LTBP3: variants seen among roughly 807,000 people sequenced by gnomAD.
The protein encoded by LTBP3 is latent transforming growth factor beta binding protein 3.
Under a neutral mutation model 159.7 loss-of-function variants are expected in LTBP3, and 97 were observed. The ratio of observed to expected loss-of-function variants is 0.61; its 90% CI spans 0.52 to 0.72. LTBP3 has a LOEUF of 0.72. Ranked by LOEUF, LTBP3 falls within the 30% of genes least tolerant of loss-of-function variation. The pLI, the probability that LTBP3 is intolerant of heterozygous loss-of-function variation, is 0.00. For missense variants in LTBP3, 1,584 were observed against 1,864.3 expected (o/e 0.85, Z 2.77); for synonymous variants, 824 against 777.1 (o/e 1.06, Z -1.00).
Position 65,553,920 on chromosome 11 carries a change from T to G in LTBP3, c.662-17A>C, listed in dbSNP as rs1388713921. 7.3e-6 allele frequency: 11 copies of G among 1,516,690 alleles called. No homozygotes were observed. Among genetic ancestry groups the G allele is most frequent in the Non-Finnish European group, 9.7e-6 (11 of 1,131,686 alleles). 94.0% of individuals were successfully genotyped at this position (1,516,690 alleles called of 1,614,324 possible). A position where few individuals can be genotyped will look rare whatever the true frequency, so the allele number is the denominator to read the frequency against. ...GGGCCTGCACTGGGGGCGGGCGCGG[T>G]GGCCTCAGGGCTGCCCGCACCGCGC... On this transcript the variant is annotated splice_polypyrimidine_tract_variant and intron_variant, in intron 2 of 27. Transcript: ENST00000301873. The surrounding 1 kb of genome is among the most constrained non-coding windows in gnomAD (Gnocchi z 6.5).
chr11:65,550,545 G>C (rs927043317), intron 11 of LTBP3, among the ~76,000 whole-genome samples: 3 of 152,092 alleles, frequency 2.0e-5, no homozygotes, highest in Non-Finnish European at 4.4e-5. Context: ...ATGGTTATGG[G>C]CTGGGAACAG....
In LTBP3 at chr11:65,541,449, T is replaced by G. The variant is rs1856133784; in HGVS notation, c.2725+151A>C. 9 of 1,432,202 alleles carry G rather than the reference T, an allele frequency of 6.3e-6. No individual in the cohort carries two copies. In the South Asian group the frequency reaches 7.1e-5, roughly 11 times the overall value. 88.7% of individuals were successfully genotyped at this position (1,432,202 alleles called of 1,614,324 possible). On this transcript the variant is annotated intron_variant, in intron 19 of 27. Transcript: ENST00000301873. ...TTCTCAACGTGGTGTTCTGGACCCTTCATCGTCTGGCCCCACCAGACTCCC... is the reference window on the plus strand; with the variant it reads ...TTCTCAACGTGGTGTTCTGGACCCTGCATCGTCTGGCCCCACCAGACTCCC...
At chr11:65,540,830 G>A (rs778246557) in intron 21 of LTBP3, 41 bp downstream of exon 21, 1 of 1,584,542 alleles carries the variant, frequency 6.3e-7, no homozygotes, top group Non-Finnish European at 8.6e-7. Context: ...CCCAACCCGG[G>A]GTGAGAGGGC....
At position 65,557,907 on chromosome 11, in the gene LTBP3, G is replaced by A. The variant is rs1273691982; in HGVS notation, c.53C>T (p.Ala18Val). ...CAGCGCCAGCAGCCCCGCCGCCCCC[G>A]CCCCGCGCATCTCAGGGGCCAGGCC... Reference protein sequence around the residue: ...AGGLAPEMRGAGAAGLLALLL... With the variant: ...AGGLAPEMRGVGAAGLLALLL... The change falls in exon 1 of 28, where the codon GCG becomes GTG. Residue 18 changes from alanine (A) to valine (V), a missense_variant. Physicochemically the swap from Ala to Val is moderately conservative, Grantham distance 64. This residue lies in a region of LTBP3 where 79 missense variants were observed against 64.7 expected (regional missense o/e 1.22). Transcript: ENST00000301873. 1.6e-6 allele frequency: 2 copies of A among 1,267,286 alleles called. No individual in the cohort carries two copies. The highest frequency in any genetic ancestry group is 2.0e-6 in the Non-Finnish European group (2 of 996,926). 78.5% of individuals were successfully genotyped at this position (1,267,286 alleles called of 1,614,324 possible). A position where few individuals can be genotyped will look rare whatever the true frequency, so the allele number is the denominator to read the frequency against.
chr11:65,538,759 C>A lies in LTBP3; in HGVS notation c.*321G>T, dbSNP rs1280736661. 3 of 894,056 alleles carry A rather than the reference C, an allele frequency of 3.4e-6. No individual in the cohort carries two copies. The highest frequency in any genetic ancestry group is 4.9e-6 in the Non-Finnish European group (3 of 609,772). 55.4% of individuals were successfully genotyped at this position (894,056 alleles called of 1,614,324 possible). On this transcript the variant is annotated 3_prime_UTR_variant, in exon 28 of 28. Transcript: ENST00000301873. ...GGGAGGCGGCTGGGGTCTGGCGCCG[C>A]CCTGCGCAGCCCGCGCCCACGTCAG...
chr11:65,551,649 T>G (rs1301905310), intron 8 of LTBP3, 85 bp from the exon 9 acceptor site: 28 of 1,551,232 alleles, frequency 1.8e-5, no homozygotes, highest in Non-Finnish European at 2.5e-5. Context: ...TATTTGCAGT[T>G]AGGGTCTCTG....
At chr11:65,555,093 C>T (rs1230986690) in intron 1 of LTBP3, among the ~76,000 whole-genome samples, 1 of 152,176 alleles carries the variant, frequency 6.6e-6, no homozygotes, top group Non-Finnish European at 1.5e-5. Context: ...TCCTGCTCTC[C>T]CCTGCCCAGT....
At position 65,546,326 on chromosome 11, in the gene LTBP3, T is replaced by A. The variant is rs957433090; in HGVS notation, c.2353+116A>T. The stretch of plus-strand genomic sequence containing the variant: ...TCGTTGAGAAAATGAGTGAGCAGAG[T>A]CACCTGGGGATGAATGAGCCACCTT... On this transcript the variant is annotated intron_variant, in intron 16 of 27. Transcript: ENST00000301873. This position sits in a 1 kb window ranked among gnomAD's most constrained non-coding sequence, Gnocchi z 4.0. The A allele has an allele frequency of 5.5e-5, 69 of 1,263,138 alleles. No homozygotes were observed. The highest frequency in any genetic ancestry group is 6.5e-5 in the Non-Finnish European group (62 of 951,736). The allele number at this position is 1,263,138 out of a possible 1,614,324, so 78.2% of individuals were successfully genotyped here.
rs746883646 is a variant in LTBP3, at chr11:65,557,578, G to C, written c.331+51C>G. On this transcript the variant is annotated intron_variant, in intron 1 of 27. Coordinates refer to ENST00000301873, the MANE Select transcript of LTBP3 (RefSeq NM_001130144.3). ...CCAAGACCCCACTAGCTCTCCCACC[G>C]GGCCTGGTGCCTGTCCTTCCCCTGC... is the stretch of plus-strand genomic sequence containing the variant. 1.6e-5 allele frequency: 26 copies of C among 1,600,618 alleles called. No individual in the cohort carries two copies. The Admixed American group carries it at 1.7e-4, about 10-fold the overall frequency.
Position 65,547,679 on chromosome 11 carries a change from G to A in LTBP3, c.1978+11C>T. ...CCCACCCAGGGCCGCCTCCGCCCTG[G>A]CGGCGCTCACCCACGCACGAGCGCC... On this transcript the variant is annotated intron_variant, in intron 13 of 27. Coordinates refer to ENST00000301873, the MANE Select transcript of LTBP3 (RefSeq NM_001130144.3). This position sits in a 1 kb window ranked among gnomAD's most constrained non-coding sequence, Gnocchi z 4.6. 1.9e-6 allele frequency: 3 copies of A among 1,605,556 alleles called. No homozygotes were observed. Among genetic ancestry groups the A allele is most frequent in the Non-Finnish European group, 2.5e-6 (3 of 1,177,684 alleles).
At position 65,548,085 on chromosome 11, in the gene LTBP3, C is replaced by T. The variant is rs773636534; in HGVS notation, c.1721-40G>A. 3.7e-6 allele frequency: 6 copies of T among 1,612,906 alleles called. No individual in the cohort carries two copies. In the African/African-American group the frequency reaches 8.0e-5, roughly 22 times the overall value. On this transcript the variant is annotated intron_variant, in intron 11 of 27. Transcript: ENST00000301873. Reference sequence around the variant, plus strand: ...AGGTCAAGCGGCAGAGCAGGGAGCGCTCACCTTCTGCCATATCCCCAGGGC... The same window carrying T: ...AGGTCAAGCGGCAGAGCAGGGAGCGTTCACCTTCTGCCATATCCCCAGGGC...
rs750072765 is a variant in LTBP3, at chr11:65,541,187, G to A, written c.2832C>T (p.Cys944=). 1 of 1,613,708 alleles carries A rather than the reference G, an allele frequency of 6.2e-7. No homozygotes were observed. Residue 944 remains cysteine, a synonymous_variant, in exon 20 of 28, where the codon TGC becomes TGT. Coordinates refer to ENST00000301873, the MANE Select transcript of LTBP3 (RefSeq NM_001130144.3). ...GGTCGCCCCAGCCGGCCCCCAGAGA[G>A]CAGCAGCACTCCTGCTGGGTCACGT... ...ATNVTQQECC[C]SLGAGWGDHC...
chr11:65,546,304 T>G lies in LTBP3; in HGVS notation c.2353+138A>C. 2 of 1,142,682 alleles carry G rather than the reference T, an allele frequency of 1.8e-6. No individual in the cohort carries two copies. Among genetic ancestry groups the G allele is most frequent in the Non-Finnish European group, 2.4e-6 (2 of 845,814 alleles). The allele number at this position is 1,142,682 out of a possible 1,614,324, so 70.8% of individuals were successfully genotyped here. A position where few individuals can be genotyped will look rare whatever the true frequency, so the allele number is the denominator to read the frequency against. On this transcript the variant is annotated intron_variant, in intron 16 of 27. Coordinates refer to ENST00000301873, the MANE Select transcript of LTBP3 (RefSeq NM_001130144.3). This position sits in a 1 kb window ranked among gnomAD's most constrained non-coding sequence, Gnocchi z 4.0. ...GTGGTGCCTTCCTTGGCAAAGTTCG[T>G]TGAGAAAATGAGTGAGCAGAGTCAC... is the stretch of plus-strand genomic sequence containing the variant.
chr11:65,552,879 G>C lies in LTBP3; in HGVS notation c.1167C>G (p.Pro389=). 6.2e-7 allele frequency: 1 copy of C among 1,614,228 alleles called. No homozygotes were observed. Among genetic ancestry groups the C allele is most frequent in the Non-Finnish European group, 8.5e-7 (1 of 1,180,032 alleles). The part of the protein sequence containing the change: ...CVCPPGHSLG[P]SRTQCIADKP... ...TCTCACCAATGCACTGTGTACGGGA[G>C]GGGCCTAAACTATGGCCAGGTGGGC... The change falls in exon 6 of 28, where the codon CCC becomes CCG. Residue 389 remains proline (P), a synonymous_variant. Transcript: ENST00000301873. The surrounding 1 kb of genome is among the most constrained non-coding windows in gnomAD (Gnocchi z 6.0).
intron 11 of LTBP3, chr11:65,548,977 C>A (rs1427501961): frequency 6.6e-6 from 1 of 152,250 alleles, no homozygotes; most frequent in Admixed American, 6.5e-5. Context: ...GAAGCCCACA[C>A]AGGCATGGGC....
At chr11:65,539,265 A>G in intron 27 of LTBP3, 34 bp from the exon 28 acceptor site, 1 of 1,519,214 alleles carries the variant, frequency 6.6e-7, no homozygotes, top group South Asian at 1.2e-5. Context: ...GGCTTCGCTG[A>G]GCCTCCAGGC....
chr11:65,551,655 C>A, intron 8 of LTBP3, 91 bp from the exon 9 acceptor site: 1 of 1,515,134 alleles, frequency 6.6e-7, no homozygotes, highest in Non-Finnish European at 9.2e-7. Flanking sequence ...CAGTTAGGGT[C>A]TCTGGGAGTT....
chr11:65,547,930 G>A lies in LTBP3; in HGVS notation c.1836C>T (p.Arg612=), dbSNP rs776414345. Residue 612 remains arginine (R), a synonymous_variant, in exon 12 of 28, where the codon CGC becomes CGT. Transcript: ENST00000301873. The surrounding 1 kb of genome is among the most constrained non-coding windows in gnomAD (Gnocchi z 4.6). Reference sequence around the variant, plus strand: ...CTGCCCTGCGCTCACCCACGCAGTAGCGGTGCTGGGGATGTGACCGGTAGC... The same window carrying A: ...CTGCCCTGCGCTCACCCACGCAGTAACGGTGCTGGGGATGTGACCGGTAGC... ...NPGYRSHPQH[R]YCVDVNECEA... is the part of the protein sequence containing the mutation. 6.2e-7 allele frequency: 1 copy of A among 1,613,840 alleles called. No individual in the cohort carries two copies. Among genetic ancestry groups the A allele is most frequent in the Non-Finnish European group, 8.5e-7 (1 of 1,180,000 alleles).
In LTBP3 at chr11:65,547,697, C is replaced by G. The variant is rs372794947; in HGVS notation, c.1971G>C (p.Ser657=). The change falls in exon 13 of 28, where the codon TCG becomes TCC. Residue 657 remains serine (S), a synonymous_variant. Coordinates refer to ENST00000301873, the MANE Select transcript of LTBP3 (RefSeq NM_001130144.3). The surrounding 1 kb of genome is among the most constrained non-coding windows in gnomAD (Gnocchi z 4.6). Reference sequence around the variant, plus strand: ...CGCCCTGGCGGCGCTCACCCACGCACGAGCGCCCCCCGGCGCCCACGTGCA... The same window carrying G: ...CGCCCTGGCGGCGCTCACCCACGCAGGAGCGCCCCCCGGCGCCCACGTGCA... ...YRLHVGAGGR[S]CVDLNECAKP... The G allele has an allele frequency of 2.9e-5, 47 of 1,605,448 alleles. No homozygotes were observed. In the African/African-American group the frequency reaches 4.1e-4, roughly 14 times the overall value.
Sources: gnomAD v4.1 joint callset for allele counts (sites outside exome capture counted in the v4.1 genomes callset) on GRCh38, gnomAD v4.1.1 for gene constraint, gnomAD v4.1.1 regional missense constraint, Gnocchi (gnomAD v3.1) non-coding constraint, MANE v1.5 for transcripts, NCBI Gene and HGNC (gene_info 2026-07-23, HGNC 2026-07-21) for gene names.